Variants in GRIP2 observed in about 807,000 individuals in gnomAD.
The protein encoded by GRIP2 is glutamate receptor interacting protein 2.
GRIP2 carries 58 observed loss-of-function variants against 108.3 expected under a neutral mutation model. The observed-to-expected ratio is 0.54, with a 90% CI of 0.43 to 0.67. The LOEUF (loss-of-function observed/expected upper bound fraction) is 0.67, where lower values mean the gene tolerates loss of function less well. Among genes scored for constraint, GRIP2 ranks in the 30% least tolerant of loss-of-function variants. The pLI, the probability that GRIP2 is intolerant of heterozygous loss-of-function variation, is 0.00. For missense variants in GRIP2, 1,278 were observed against 1,430.6 expected, an observed-to-expected ratio of 0.89 and a Z score of 1.72; for synonymous variants, 586 against 598.2, an observed-to-expected ratio of 0.98 and a Z score of 0.30.
chr3:14,563,058 C>T, the GRIP2 span, among the ~76,000 whole-genome samples: 1 of 152,052 alleles, frequency 6.6e-6, no homozygotes, highest in Non-Finnish European at 1.5e-5. Context: ...TTAAAAGAGA[C>T]ACAAGAGACT....
At chr3:14,590,126 T>C in the GRIP2 span, among the ~76,000 whole-genome samples, 1 of 152,150 alleles carries the variant, frequency 6.6e-6, no homozygotes, top group Admixed American at 6.6e-5. Flanking sequence ...CCATTAAAAT[T>C]GATATTGCAT....
In GRIP2 at chr3:14,491,946, C is replaced by A. The variant is rs1701346250; in HGVS notation, c.*1719G>T. 6.6e-6 allele frequency: 1 copy of A among 152,436 alleles called. No homozygotes were observed. Among genetic ancestry groups the A allele is most frequent in the Admixed American group, 6.5e-5 (1 of 15,288 alleles). 9.4% of individuals were successfully genotyped at this position (152,436 alleles called of 1,614,324 possible). A position where few individuals can be genotyped will look rare whatever the true frequency, so the allele number is the denominator to read the frequency against. ...TCCAAGATAGCAGAGGCGCTGAGCA[C>A]CCCAGGCACAAGCATGCAGGGCCCT... On this transcript the variant is annotated 3_prime_UTR_variant, in exon 24 of 24. Transcript: ENST00000621039.
Position 14,503,671 on chromosome 3 carries a change from G to A in GRIP2, c.2574C>T (p.Ser858=). The A allele has an allele frequency of 6.5e-7, 1 of 1,546,832 alleles. No individual in the cohort carries two copies. The highest frequency in any genetic ancestry group is 8.8e-7 in the Non-Finnish European group (1 of 1,137,440). The part of the protein sequence containing the change: ...EEEDDWEPPT[S]PAPGPAREEG... ...CCTCTCGGGCAGGGCCAGGGGCTGG[G>A]CTGTAACGTAGGAACCAGAGAGCGT... is the stretch of plus-strand genomic sequence containing the variant. The change falls in exon 21 of 24, where the codon AGC becomes AGT. Residue 858 remains serine (S), a splice_region_variant and synonymous_variant. Coordinates refer to ENST00000621039, the MANE Select transcript of GRIP2 (RefSeq NM_001080423.4).
chr3:14,522,812 G>T lies in GRIP2; in HGVS notation c.566+188C>A. 1 of 591,150 alleles carries T rather than the reference G, an allele frequency of 1.7e-6. No individual in the cohort carries two copies. Among genetic ancestry groups the T allele is most frequent in the Admixed American group, 2.8e-5 (1 of 35,090 alleles). The allele number at this position is 591,150 out of a possible 1,614,324, so 36.6% of individuals were successfully genotyped here. On this transcript the variant is annotated intron_variant, in intron 6 of 23. Coordinates refer to ENST00000621039, the MANE Select transcript of GRIP2 (RefSeq NM_001080423.4). This position sits in a 1 kb window ranked among gnomAD's most constrained non-coding sequence, Gnocchi z 4.3. ...TATGTTGGGGAAGAAAGGGCTCGAG[G>T]TTTCCCTCATTTGGGGTTACATCCC...
chr3:14,539,145 G>T (rs114645726), intron 1 of GRIP2, among the ~76,000 whole-genome samples: 2,318 of 152,332 alleles, frequency 0.015, 69 homozygotes, highest in African/African-American at 0.053. Flanking sequence ...TCACTTAGCA[G>T]CTCTCTGCCT....
At chr3:14,593,868 G>A in the GRIP2 span, among the ~76,000 whole-genome samples, 1 of 152,298 alleles carries the variant, frequency 6.6e-6, no homozygotes, top group East Asian at 1.9e-4. Flanking sequence ...AAAGAGTTGA[G>A]AGCTAGGCTC....
the GRIP2 span, among the ~76,000 whole-genome samples, chr3:14,600,074 T>C: frequency 2.0e-5 from 3 of 152,244 alleles, no homozygotes; most frequent in East Asian, 5.8e-4. Context: ...CAGTAGGCCA[T>C]GAATTCAAGT....
chr3:14,603,014 T>TCGCCAGCCCGGCCC, the GRIP2 span, among the ~76,000 whole-genome samples: 1 of 145,626 alleles, frequency 6.9e-6, no homozygotes, highest in Non-Finnish European at 1.5e-5. Flanking sequence ...CGGCCCGGCC[T>TCGCCAGCCCGGCCC]CGCCAGCCCG....
chr3:14,517,037 AG>A, intron 11 of GRIP2, 26 bp downstream of exon 11: 1 of 1,492,626 alleles, frequency 6.7e-7, no homozygotes, highest in Non-Finnish European at 8.9e-7. Flanking sequence ...AAGCAGCCCA[AG>A]GAGGAGGGAA....
At chr3:14,572,845 C>T in the GRIP2 span, 1 of 1,110,646 alleles carries the variant, frequency 9.0e-7, no homozygotes, top group Non-Finnish European at 1.4e-6. Flanking sequence ...AGCCCGCAGC[C>T]AGCTCGGTGG....
At chr3:14,506,627 C>T (rs1459640161) in intron 19 of GRIP2, among the ~76,000 whole-genome samples, 174 bp downstream of exon 19, 4 of 152,190 alleles carry the variant, frequency 2.6e-5, no homozygotes, top group Non-Finnish European at 4.4e-5. Flanking sequence ...AGCAAGGGGC[C>T]CTAAGAGTGG....
intron 7 of GRIP2, 72 bp from the exon 8 acceptor site, chr3:14,520,609 C>T (rs1694381725): frequency 6.6e-7 from 1 of 1,524,092 alleles, no homozygotes; most frequent in Admixed American, 1.7e-5. Context: ...ACCCTGCTAT[C>T]CTGATTTAAT....
At chr3:14,585,744 A>T in the GRIP2 span, among the ~76,000 whole-genome samples, 1 of 152,044 alleles carries the variant, frequency 6.6e-6, no homozygotes, top group African/African-American at 2.4e-5. Context: ...CCAGGCACTG[A>T]CTGTCACACT....
At chr3:14,585,863 G>T in the GRIP2 span, among the ~76,000 whole-genome samples, 1 of 152,098 alleles carries the variant, frequency 6.6e-6, no homozygotes, top group Admixed American at 6.6e-5. Flanking sequence ...AGAGTCAGAG[G>T]GGACAGCAGG....
At chr3:14,555,353 A>T (rs905728110) in intron 1 of GRIP2, among the ~76,000 whole-genome samples, 1 of 151,194 alleles carries the variant, frequency 6.6e-6, no homozygotes. Context: ...AAGGAGAGAA[A>T]AGGCTGCTGG....
At position 14,523,167 on chromosome 3, in the gene GRIP2, A is replaced by C. The variant is rs1036578640; in HGVS notation, c.491-92T>G. 2.1e-5 allele frequency: 20 copies of C among 943,226 alleles called. No individual in the cohort carries two copies. In the East Asian group the frequency reaches 4.9e-4, roughly 23 times the overall value. The allele number at this position is 943,226 out of a possible 1,614,324, so 58.4% of individuals were successfully genotyped here. ...AGCCCCTGAGCAGGCTCCTTCAATA[A>C]AACCTGTTTGAGGACCTTGTCCTTG... is the stretch of plus-strand genomic sequence containing the variant. On this transcript the variant is annotated intron_variant, in intron 5 of 23. Transcript: ENST00000621039.
chr3:14,514,173 TG>T, intron 12 of GRIP2, 118 bp downstream of exon 12: 1 of 955,542 alleles, frequency 1.0e-6, no homozygotes, highest in Non-Finnish European at 1.5e-6. Flanking sequence ...AAAATGGGGC[TG>T]GTGCTGGGGC....
intron 1 of GRIP2, among the ~76,000 whole-genome samples, chr3:14,548,430 C>T (rs955238196): frequency 1.3e-5 from 2 of 152,270 alleles, no homozygotes; most frequent in Admixed American, 1.3e-4. Flanking sequence ...CACGGACCTC[C>T]GCACACTGGA....
intron 1 of GRIP2, among the ~76,000 whole-genome samples, chr3:14,535,471 T>C (rs186044756): frequency 6.6e-6 from 1 of 152,234 alleles, no homozygotes; most frequent in Admixed American, 6.5e-5. Flanking sequence ...TGTTGAAAGG[T>C]TTTCCTAGAT....
Sources: gnomAD v4.1 joint callset for allele counts (sites outside exome capture counted in the v4.1 genomes callset) on GRCh38, gnomAD v4.1.1 for gene constraint, Gnocchi (gnomAD v3.1) non-coding constraint, MANE v1.5 for transcripts, NCBI Gene and HGNC (gene_info 2026-07-23, HGNC 2026-07-21) for gene names.